ADCY10: variants seen among roughly 807,000 people sequenced by gnomAD.
ADCY10 encodes the protein adenylate cyclase 10, also known as adenylate cyclase type 10.
ADCY10 carries 156 observed loss-of-function variants against 183.3 expected under a neutral mutation model. That is an observed-to-expected ratio of 0.85 (90% CI 0.75 to 0.97). The LOEUF (loss-of-function observed/expected upper bound fraction) is 0.97. Among genes scored for constraint, ADCY10 ranks in the 50% least tolerant of loss-of-function variants. ADCY10 has a pLI of 0.00. For missense variants in ADCY10, 1,745 were observed against 1,934.3 expected (o/e 0.90, Z 1.84); for synonymous variants, 645 against 670.0 (o/e 0.96, Z 0.58).
At chr1:167,832,384 T>A (rs893591187) in intron 25 of ADCY10, among the ~76,000 whole-genome samples, 1 of 152,182 alleles carries the variant, frequency 6.6e-6, no homozygotes, top group Non-Finnish European at 1.5e-5. Flanking sequence ...TTCATCTACC[T>A]CTCCACTCAC....
At chr1:167,888,175 CT>C (rs1668354889) in intron 8 of ADCY10, among the ~76,000 whole-genome samples, 1 of 152,172 alleles carries the variant, frequency 6.6e-6, no homozygotes, top group South Asian at 2.1e-4. Context: ...ATTTGGGTTG[CT>C]ATAGCTGTGG....
At chr1:167,877,576 T>C (rs1195411630) in intron 12 of ADCY10, among the ~76,000 whole-genome samples, 2 of 152,040 alleles carry the variant, frequency 1.3e-5, no homozygotes, top group Admixed American at 6.6e-5. Flanking sequence ...GATATAAGAA[T>C]AAAGAAATAA....
chr1:167,856,420 A>C lies in ADCY10; in HGVS notation c.1916T>G (p.Ile639Ser). 1 of 1,614,224 alleles carries C rather than the reference A, an allele frequency of 6.2e-7. No individual in the cohort carries two copies. The highest frequency in any genetic ancestry group is 1.3e-5 in the African/African-American group (1 of 75,066). The stretch of plus-strand genomic sequence containing the variant: ...CTGGGCCTCATCAATGATAAAAATA[A>C]TCCTTTCCTCTTTCACTATCTGGAC... ...ILKLIVKEER[I>S]IFIIDEAQFV... is the part of the protein sequence containing the mutation. The change falls in exon 17 of 33, where the codon ATT becomes AGT. Residue 639 changes from isoleucine (I) to serine (S), a missense_variant. Transcript: ENST00000367851.
intron 23 of ADCY10, 68 bp from the exon 24 acceptor site, chr1:167,834,145 C>T: frequency 1.7e-6 from 2 of 1,178,384 alleles, no homozygotes; most frequent in Non-Finnish European, 2.5e-6. Flanking sequence ...AGGGCCATTG[C>T]CCCAGACTCT....
intron 14 of ADCY10, among the ~76,000 whole-genome samples, chr1:167,866,750 TAAAAA>T (rs368735411): frequency 2.4e-5 from 3 of 123,098 alleles, no homozygotes; most frequent in Non-Finnish European, 5.3e-5. Context: ...AAAGTTCACT[TAAAAA>T]AAAAAAAAAA....
intron 14 of ADCY10, among the ~76,000 whole-genome samples, chr1:167,869,058 G>A (rs1450289110): frequency 6.6e-6 from 1 of 152,096 alleles, no homozygotes. Context: ...GATAATCAAA[G>A]GCAAGTAGTT....
intron 12 of ADCY10, among the ~76,000 whole-genome samples, chr1:167,876,394 G>T (rs985866246): frequency 1.3e-5 from 2 of 152,148 alleles, no homozygotes; most frequent in African/African-American, 4.8e-5. Context: ...ATAGGCCAGG[G>T]TGCATATGTT....
intron 13 of ADCY10, 149 bp downstream of exon 13, chr1:167,874,982 A>G (rs1307098619): frequency 1.1e-5 from 8 of 748,064 alleles, no homozygotes; most frequent in Non-Finnish European, 1.9e-5. Flanking sequence ...ATCCTGGTGT[A>G]TTGCTATTTT....
At chr1:167,885,105 T>G (rs1298427253) in intron 8 of ADCY10, among the ~76,000 whole-genome samples, 1 of 147,704 alleles carries the variant, frequency 6.8e-6, no homozygotes, top group Non-Finnish European at 1.5e-5. Context: ...TCCACGTTGT[T>G]GCAAATGACA....
At chr1:167,888,463 C>T (rs998744357) in intron 8 of ADCY10, among the ~76,000 whole-genome samples, 2 of 151,756 alleles carry the variant, frequency 1.3e-5, no homozygotes, top group Non-Finnish European at 2.9e-5. Flanking sequence ...ATAGTTTTCA[C>T]GGTAGAGATC....
intron 12 of ADCY10, 34 bp downstream of exon 12, chr1:167,878,412 A>G (rs190862398): frequency 4.4e-6 from 7 of 1,604,954 alleles, no homozygotes; most frequent in Non-Finnish European, 6.0e-6. Flanking sequence ...CTTCTTTACT[A>G]AAATATACTT....
At chr1:167,905,477 A>G (rs1669749091) in intron 1 of ADCY10, among the ~76,000 whole-genome samples, 1 of 152,218 alleles carries the variant, frequency 6.6e-6, no homozygotes, top group Non-Finnish European at 1.5e-5. Context: ...AGGCCCTCGC[A>G]GGGCAAGTCC....
chr1:167,816,666 C>G (rs1662547839), intron 31 of ADCY10, among the ~76,000 whole-genome samples: 1 of 152,152 alleles, frequency 6.6e-6, no homozygotes, highest in South Asian at 2.1e-4. Context: ...GAAGACAGTG[C>G]CATGACCTGT....
rs1666234513 is a variant in ADCY10, at chr1:167,860,867, T to C, written c.1809+4A>G. 1 of 1,613,274 alleles carries C rather than the reference T, an allele frequency of 6.2e-7. No individual in the cohort carries two copies. ...TGTGCAGAAGTATAATACTAGCTAG[T>C]TACCTGAACATGGAAAATGTCATTA... On this transcript the variant is annotated splice_donor_region_variant and intron_variant, in intron 15 of 32. Coordinates refer to ENST00000367851, the MANE Select transcript of ADCY10 (RefSeq NM_018417.6).
chr1:167,810,604 T>C (rs1662139582), intron 32 of ADCY10, 121 bp downstream of exon 32: 3 of 894,242 alleles, frequency 3.4e-6, no homozygotes, highest in African/African-American at 1.7e-5. Context: ...TGTTCATCAA[T>C]GACCCAGTCT....
rs1281532301 is a variant in ADCY10 at position 167,864,329 on chromosome 1, G to A, written c.1617-3266C>T. On this transcript the variant is annotated intron_variant, in intron 14 of 32. Coordinates refer to ENST00000367851, the MANE Select transcript of ADCY10 (RefSeq NM_018417.6). ...CAAGAAAGGATTTAAGGGAGATTAC[G>A]GTGTTACTATGACACTAGAAAAACT... Among the ~76,000 whole-genome samples, 8 of 152,248 alleles carry A rather than the reference G, an allele frequency of 5.3e-5. No homozygotes were observed. The South Asian group carries it at 1.0e-3, about 20-fold the overall frequency.
intron 6 of ADCY10, among the ~76,000 whole-genome samples, chr1:167,898,028 A>G (rs1669130184): frequency 7.0e-6 from 1 of 143,168 alleles, no homozygotes; most frequent in Non-Finnish European, 1.5e-5. Context: ...AAAAAAAATC[A>G]ACAAAATGCA....
intron 30 of ADCY10, chr1:167,819,844 T>C: frequency 5.7e-6 from 4 of 701,762 alleles, no homozygotes; most frequent in Non-Finnish European, 1.0e-5. Flanking sequence ...GGATTACAGG[T>C]GTCAGCCACC....
At chr1:167,837,120 AC>A in intron 22 of ADCY10, 128 bp downstream of exon 22, 3 of 779,244 alleles carry the variant, frequency 3.8e-6, no homozygotes, top group South Asian at 2.8e-5. Context: ...CACCATGCAT[AC>A]CCCCCAAAGT....
Sources: gnomAD v4.1 joint callset for allele counts (sites outside exome capture counted in the v4.1 genomes callset) on GRCh38, gnomAD v4.1.1 for gene constraint, MANE v1.5 for transcripts, NCBI Gene and HGNC (gene_info 2026-07-23, HGNC 2026-07-21) for gene names.